The following PDE4D variants were observed in gnomAD, a reference collection of about 807,000 sequenced individuals.
The protein encoded by PDE4D is 3',5'-cyclic-AMP phosphodiesterase 4D.
In PDE4D, 24 loss-of-function variants were observed where a neutral mutation model predicts 87.4. The ratio of observed to expected loss-of-function variants is 0.27; its 90% CI spans 0.20 to 0.39. The LOEUF is 0.39. PDE4D is among the 10% of genes least tolerant of loss of function. PDE4D has a pLI of 1.00. For missense variants in PDE4D, 714 were observed against 1,041.0 expected (o/e 0.69, Z 4.32); for synonymous variants, 384 against 383.2 (o/e 1.00, Z -0.02).
intron 1 of PDE4D, among the ~76,000 whole-genome samples, chr5:59,396,040 T>C (rs1171525482): frequency 8.4e-6 from 1 of 119,702 alleles, no homozygotes; most frequent in African/African-American, 3.4e-5. Context: ...GAAAAAAGAA[T>C]AAAAAGAAAC....
Position 60,201,672 on chromosome 5 carries a change from C to T in PDE4D, c.-89-15985G>A, listed in dbSNP as rs574682342. ...AACTTGCTTTATTTACCCCCAATTGCAATTCCCCCTTGTCTCCCATTGCTT... is the reference window on the plus strand; with the variant it reads ...AACTTGCTTTATTTACCCCCAATTGTAATTCCCCCTTGTCTCCCATTGCTT... On this transcript the variant is annotated intron_variant, in intron 1 of 16. Coordinates refer to the PDE4D transcript ENST00000502484. 2.6e-5 allele frequency among the ~76,000 whole-genome samples: 4 copies of T among 152,240 alleles called. No individual in the cohort carries two copies. In the South Asian group the frequency reaches 6.2e-4, roughly 24 times the overall value.
intron 5 of PDE4D, among the ~76,000 whole-genome samples, chr5:59,171,916 C>T (rs10056445): frequency 8.9e-6 from 1 of 112,162 alleles, no homozygotes; most frequent in African/African-American, 3.9e-5. Flanking sequence ...ATGAGAAATA[C>T]ATTATATAAT....
chr5:59,543,422 T>C (rs1228409977), intron 1 of PDE4D, among the ~76,000 whole-genome samples: 1 of 152,174 alleles, frequency 6.6e-6, no homozygotes, highest in Non-Finnish European at 1.5e-5. Flanking sequence ...GTCATGGTGG[T>C]TTCTTTCACC....
intron 1 of PDE4D, among the ~76,000 whole-genome samples, chr5:60,484,131 A>G (rs953661227): frequency 6.6e-6 from 1 of 152,082 alleles, no homozygotes; most frequent in Non-Finnish European, 1.5e-5. Context: ...GCATCACCTC[A>G]AAACCTACAT....
intron 1 of PDE4D, among the ~76,000 whole-genome samples, chr5:59,350,212 G>A (rs972443185): frequency 9.2e-5 from 14 of 151,966 alleles, no homozygotes; most frequent in African/African-American, 3.4e-4. Flanking sequence ...CCCAATTATG[G>A]CTCTTATACA....
intron 1 of PDE4D, among the ~76,000 whole-genome samples, chr5:59,256,222 T>C (rs1437726014): frequency 6.6e-6 from 1 of 152,050 alleles, no homozygotes; most frequent in Non-Finnish European, 1.5e-5. Context: ...TAAGAATAAA[T>C]GAAAACAGGA....
At chr5:59,648,622 G>T (rs577310452) in intron 1 of PDE4D, among the ~76,000 whole-genome samples, 1 of 151,956 alleles carries the variant, frequency 6.6e-6, no homozygotes, top group Non-Finnish European at 1.5e-5. Context: ...TGTGAAGTCT[G>T]CTGGTCAAGT....
chr5:59,712,393 C>CACATATAT (rs1491588692), intron 1 of PDE4D, among the ~76,000 whole-genome samples: 1 of 122,602 alleles, frequency 8.2e-6, no homozygotes, highest in Admixed American at 8.3e-5. Context: ...TAATATTATT[C>CACATATAT]ATATATATAT....
At chr5:60,039,210 G>A (rs922693898) in intron 2 of PDE4D, among the ~76,000 whole-genome samples, 2 of 152,066 alleles carry the variant, frequency 1.3e-5, no homozygotes, top group Admixed American at 6.6e-5. Flanking sequence ...ATGATAGACT[G>A]GATTAAGAAA....
intron 1 of PDE4D, among the ~76,000 whole-genome samples, chr5:60,252,462 C>A: frequency 7.5e-6 from 1 of 132,592 alleles, no homozygotes; most frequent in African/African-American, 2.9e-5. Context: ...TAGAGTCTTT[C>A]TAAATATGTT....
chr5:59,893,619 C>G lies in PDE4D; in HGVS notation c.4G>C (p.Glu2Gln). 6.7e-7 allele frequency: 1 copy of G among 1,502,030 alleles called. No homozygotes were observed. Among genetic ancestry groups the G allele is most frequent in the Non-Finnish European group, 8.9e-7 (1 of 1,128,306 alleles). 93.0% of individuals were successfully genotyped at this position (1,502,030 alleles called of 1,614,324 possible). The change falls in exon 1 of 15, where the codon GAG (glutamate) becomes CAG (glutamine). Residue 2 changes from glutamate (E) to glutamine (Q), a missense_variant. This residue lies in a region of PDE4D where 268 missense variants were observed against 272.9 expected (regional missense o/e 0.98). Transcript: ENST00000340635. The stretch of plus-strand genomic sequence containing the variant: ...GCCGGCGCGCTGCTGCCCTCTGCCT[C>G]CATCCTGGCTCGCGGCTCCGCGACC... M[E>Q]AEGSSAPARA...
chr5:60,439,105 C>T (rs1438006404), intron 1 of PDE4D, among the ~76,000 whole-genome samples: 1 of 152,004 alleles, frequency 6.6e-6, no homozygotes, highest in African/African-American at 2.4e-5. Flanking sequence ...AATGCGTCCC[C>T]GATACAATAT....
intron 1 of PDE4D, among the ~76,000 whole-genome samples, chr5:60,379,001 ACTGAAGCAC>A (rs1256842630): frequency 6.6e-6 from 1 of 152,102 alleles, no homozygotes; most frequent in Non-Finnish European, 1.5e-5. Context: ...TACTCCCCAC[ACTGAAGCAC>A]CTCCCAGGCA....
intron 1 of PDE4D, among the ~76,000 whole-genome samples, chr5:60,233,484 A>C (rs935795166): frequency 1.1e-4 from 17 of 151,788 alleles, no homozygotes; most frequent in African/African-American, 4.1e-4. Context: ...CTTTGAGATC[A>C]ATATAGAAGT....
chr5:60,410,225 T>G (rs1048975879), intron 1 of PDE4D, among the ~76,000 whole-genome samples: 2 of 152,090 alleles, frequency 1.3e-5, no homozygotes, highest in Non-Finnish European at 2.9e-5. Flanking sequence ...AGGCTGGGTG[T>G]GGAGAGTCCA....
chr5:59,594,292 TTTTATTTA>T (rs142839056), intron 1 of PDE4D, among the ~76,000 whole-genome samples: 2,510 of 141,008 alleles, frequency 0.018, 59 homozygotes, highest in African/African-American at 0.048. Flanking sequence ...AACTTTTTTA[TTTTATTTA>T]TTTATTTATT....
chr5:60,432,670 C>T (rs1252153767), intron 1 of PDE4D, among the ~76,000 whole-genome samples: 1 of 152,182 alleles, frequency 6.6e-6, no homozygotes, highest in Non-Finnish European at 1.5e-5. Flanking sequence ...CATCACTTAA[C>T]TTCAAACTAT....
intron 1 of PDE4D, among the ~76,000 whole-genome samples, chr5:59,497,598 G>A (rs1219837853): frequency 1.3e-5 from 2 of 151,906 alleles, no homozygotes; most frequent in Admixed American, 6.6e-5. Context: ...TTCAGGGCTC[G>A]AAGACTAGCT....
intron 1 of PDE4D, among the ~76,000 whole-genome samples, chr5:60,475,193 T>C (rs920748860): frequency 2.0e-5 from 3 of 152,138 alleles, no homozygotes; most frequent in African/African-American, 7.2e-5. Flanking sequence ...CTAGTGCCCA[T>C]AGGTTTTGTT....
Sources: allele counts gnomAD v4.1 joint callset (sites outside exome capture counted in the v4.1 genomes callset), GRCh38; gene constraint gnomAD v4.1.1; regional missense constraint gnomAD v4.1.1; transcripts MANE v1.5; gene names NCBI Gene and HGNC (gene_info 2026-07-23, HGNC 2026-07-21).